The following RUNDC3B variants were observed in gnomAD, a reference collection of about 807,000 sequenced individuals.
RUNDC3B encodes the protein RUN domain-containing protein 3B.
RUNDC3B carries 33 observed loss-of-function variants against 58.4 expected under a neutral mutation model. The ratio of observed to expected loss-of-function variants is 0.56; its 90% confidence interval spans 0.43 to 0.75. The LOEUF (loss-of-function observed/expected upper bound fraction) is 0.75, where lower values mean the gene tolerates loss of function less well. RUNDC3B is among the 30% of genes least tolerant of loss of function. The pLI is 0.00. For synonymous variants in RUNDC3B, 193 were observed against 195.2 expected (o/e 0.99, Z 0.10); for missense variants, 501 against 535.7 (o/e 0.94, Z 0.64).
At chr7:87,736,854 CCTATAT>C (rs1431776466) in intron 4 of RUNDC3B, among the ~76,000 whole-genome samples, 2 of 55,578 alleles carry the variant, frequency 3.6e-5, no homozygotes, top group Non-Finnish European at 6.4e-5. Context: ...TATATATATA[CCTATAT>C]ATATATATAT....
Position 87,628,981 on chromosome 7 carries a change from G to A in RUNDC3B, c.122+36G>A, listed in dbSNP as rs370537587. The A allele has an allele frequency of 2.8e-5, 36 of 1,304,070 alleles. No individual in the cohort carries two copies. The African/African-American group carries it at 4.4e-4, about 16-fold the overall frequency. 80.8% of individuals were successfully genotyped at this position (1,304,070 alleles called of 1,614,324 possible). On this transcript the variant is annotated intron_variant, in intron 1 of 10. Coordinates refer to ENST00000394654, the MANE Select transcript of RUNDC3B (RefSeq NM_001134405.2). ...GCAGGGCGAGGGGAACCAGCCTCCC[G>A]CCGGGGCTGAGAGCTCTGGGCTTCC...
rs764650122 is a variant in RUNDC3B at position 87,739,809 on chromosome 7, A to G, written c.477A>G (p.Gly159=). The change falls in exon 5 of 11, where the codon GGA becomes GGG. Residue 159 remains glycine (G), a synonymous_variant. Coordinates refer to ENST00000394654, the MANE Select transcript of RUNDC3B (RefSeq NM_001134405.2). ...FKTTRRFYED[G]AIVLGEEANM... is the part of the protein sequence containing the mutation. ...TTTTTAGGAGATTTTATGAAGATGG[A>G]GCAATTGTCTTGGGTGAAGAAGCAA... 1 of 1,574,948 alleles carries G rather than the reference A, an allele frequency of 6.3e-7. No individual in the cohort carries two copies. Among genetic ancestry groups the G allele is most frequent in the Non-Finnish European group, 8.7e-7 (1 of 1,148,814 alleles).
intron 3 of RUNDC3B, among the ~76,000 whole-genome samples, chr7:87,708,105 T>C (rs1829768721): frequency 6.6e-6 from 1 of 151,742 alleles, no homozygotes; most frequent in African/African-American, 2.4e-5. Flanking sequence ...CAAGAAGCTA[T>C]GAAAAAAGAA....
At chr7:87,806,808 C>G (rs1836459678) in intron 8 of RUNDC3B, among the ~76,000 whole-genome samples, 2 of 151,818 alleles carry the variant, frequency 1.3e-5, no homozygotes, top group Non-Finnish European at 2.9e-5. Context: ...TCACTTCCAT[C>G]AAAAACAGTC....
At chr7:87,680,791 C>T (rs1826854914) in intron 2 of RUNDC3B, among the ~76,000 whole-genome samples, 1 of 147,160 alleles carries the variant, frequency 6.8e-6, no homozygotes, top group Admixed American at 6.8e-5. Flanking sequence ...GAAACTCCAT[C>T]TCAAAAAAAA....
intron 2 of RUNDC3B, among the ~76,000 whole-genome samples, chr7:87,674,341 C>T (rs1447494225): frequency 6.6e-6 from 1 of 152,084 alleles, no homozygotes; most frequent in East Asian, 1.9e-4. Flanking sequence ...TTGCTGCTAT[C>T]ATGGCAGGAG....
At chr7:87,694,728 T>C (rs1355194947) in intron 2 of RUNDC3B, among the ~76,000 whole-genome samples, 1 of 152,160 alleles carries the variant, frequency 6.6e-6, no homozygotes, top group Non-Finnish European at 1.5e-5. Context: ...ACCAGTACTT[T>C]AAGCCTTATG....
intron 10 of RUNDC3B, among the ~76,000 whole-genome samples, chr7:87,819,630 G>A (rs1305991473): frequency 6.6e-6 from 1 of 152,054 alleles, no homozygotes; most frequent in Non-Finnish European, 1.5e-5. Flanking sequence ...TGACCACATA[G>A]TTGGAAGTAA....
At chr7:87,637,887 G>A (rs1156920310) in intron 1 of RUNDC3B, among the ~76,000 whole-genome samples, 1 of 151,446 alleles carries the variant, frequency 6.6e-6, no homozygotes, top group Non-Finnish European at 1.5e-5. Flanking sequence ...AATCTTTATG[G>A]CTTTTCTTTT....
chr7:87,633,248 T>G (rs1341958207), intron 1 of RUNDC3B, among the ~76,000 whole-genome samples: 2 of 152,248 alleles, frequency 1.3e-5, no homozygotes, highest in Non-Finnish European at 2.9e-5. Flanking sequence ...ATAACTGAAA[T>G]TTATTTAAGC....
intron 8 of RUNDC3B, among the ~76,000 whole-genome samples, chr7:87,793,610 T>C (rs1835646967): frequency 6.6e-6 from 1 of 152,196 alleles, no homozygotes; most frequent in Non-Finnish European, 1.5e-5. Flanking sequence ...GAAAAAGCAT[T>C]TGATAACATT....
intron 3 of RUNDC3B, among the ~76,000 whole-genome samples, chr7:87,707,766 G>C (rs956921465): frequency 6.6e-6 from 1 of 152,040 alleles, no homozygotes; most frequent in Non-Finnish European, 1.5e-5. Context: ...ATATTAAATT[G>C]ACCATTTTCT....
chr7:87,709,678 A>G (rs965017190), intron 3 of RUNDC3B, among the ~76,000 whole-genome samples: 4 of 152,104 alleles, frequency 2.6e-5, no homozygotes, highest in Non-Finnish European at 4.4e-5. Context: ...TTTCTAGAGT[A>G]TGTTTTTTCC....
At chr7:87,695,180 A>G (rs1015646971) in intron 2 of RUNDC3B, among the ~76,000 whole-genome samples, 5 of 152,046 alleles carry the variant, frequency 3.3e-5, no homozygotes, top group Non-Finnish European at 7.4e-5. Flanking sequence ...TACTTGTTCT[A>G]TTTTTTAGAA....
intron 8 of RUNDC3B, among the ~76,000 whole-genome samples, chr7:87,787,785 T>C (rs908084154): frequency 1.3e-5 from 2 of 152,216 alleles, no homozygotes; most frequent in Admixed American, 6.5e-5. Flanking sequence ...TTTATTCCTC[T>C]GCTTTTATAT....
At chr7:87,724,349 A>G (rs1831090249) in intron 4 of RUNDC3B, among the ~76,000 whole-genome samples, 1 of 152,200 alleles carries the variant, frequency 6.6e-6, no homozygotes. Flanking sequence ...TGTATTTTAT[A>G]GAAAAACATT....
In RUNDC3B at chr7:87,706,286, GT is replaced by G. The variant is rs199577254; in HGVS notation, c.373-4274del. 2.2e-4 allele frequency among the ~76,000 whole-genome samples: 33 copies of G among 149,356 alleles called. 1 individual carries two copies. The highest frequency in any genetic ancestry group is 4.2e-4 in the South Asian group (2 of 4,730). ...AGTGCAGTGGGGGAGCTACTTGAGA[GT>G]TTTTTTTTTAAGTGATAGAATACTG... On this transcript the variant is annotated intron_variant, in intron 3 of 10. Coordinates refer to ENST00000394654, the MANE Select transcript of RUNDC3B (RefSeq NM_001134405.2).
In RUNDC3B at chr7:87,730,525, G is replaced by A. The variant is rs141941510; in HGVS notation, c.459-9266G>A. ...GAAAGGACTTTGTCTTACAGTGTGC[G>A]TGCCAGCTCAGCCACAGTAGAATAG... On this transcript the variant is annotated intron_variant, in intron 4 of 10. Transcript: ENST00000394654. Among the ~76,000 whole-genome samples, 207 of 151,354 alleles carry A rather than the reference G, an allele frequency of 1.4e-3. 1 individual carries two copies. The highest frequency in any genetic ancestry group is 1.9e-3 in the Admixed American group (29 of 15,170).
chr7:87,777,582 T>C lies in RUNDC3B; in HGVS notation c.799-216T>C, dbSNP rs73706921. ...AACTAAGTTTTGCCTCAAATTACAG[T>C]TTCTCAAACTTTAGAGAAGAGTTTT... On this transcript the variant is annotated intron_variant, in intron 7 of 10. Coordinates refer to ENST00000394654, the MANE Select transcript of RUNDC3B (RefSeq NM_001134405.2). 7.9e-3 allele frequency among the ~76,000 whole-genome samples: 1,196 copies of C among 152,338 alleles called. 22 individuals are homozygous for C. Among genetic ancestry groups the C allele is most frequent in the African/African-American group, 0.027 (1,132 of 41,566 alleles).
Sources: allele counts gnomAD v4.1 joint callset (sites outside exome capture counted in the v4.1 genomes callset), GRCh38; gene constraint gnomAD v4.1.1; transcripts MANE v1.5; gene names NCBI Gene and HGNC (gene_info 2026-07-23, HGNC 2026-07-21).